The following CDK5RAP2 variants were observed in gnomAD, a reference collection of about 807,000 sequenced individuals.
CDK5RAP2 encodes CDK5 regulatory subunit associated protein 2, also known as CDK5 regulatory subunit-associated protein 2.
In CDK5RAP2, 147 loss-of-function variants were observed where a neutral mutation model predicts 232.9. The ratio of observed to expected loss-of-function variants is 0.63; its 90% CI spans 0.55 to 0.72. The LOEUF (loss-of-function observed/expected upper bound fraction) is 0.72, where lower values mean the gene tolerates loss of function less well. Among genes scored for constraint, CDK5RAP2 ranks in the 30% least tolerant of loss-of-function variants. The pLI, the probability that CDK5RAP2 is intolerant of heterozygous loss-of-function variation, is 0.00. For synonymous variants in CDK5RAP2, 833 were observed against 833.7 expected (o/e 1.00, Z 0.01); for missense variants, 2,195 against 2,231.5 (o/e 0.98, Z 0.33).
chr9:120,414,172 G>A (rs1157209740), intron 28 of CDK5RAP2, among the ~76,000 whole-genome samples: 4 of 152,186 alleles, frequency 2.6e-5, no homozygotes, highest in South Asian at 2.1e-4. Flanking sequence ...ACTGAGCAAG[G>A]CCCTACTCAT....
At chr9:120,518,120 T>G (rs532968987) in intron 12 of CDK5RAP2, among the ~76,000 whole-genome samples, 3 of 145,590 alleles carry the variant, frequency 2.1e-5, no homozygotes, top group Non-Finnish European at 4.5e-5. Flanking sequence ...ACATTAAACT[T>G]AAAAAAGCAC....
chr9:120,569,617 A>G (rs537278488), intron 2 of CDK5RAP2, among the ~76,000 whole-genome samples: 99 of 152,298 alleles, frequency 6.5e-4, no homozygotes, highest in African/African-American at 1.8e-3. Flanking sequence ...GGAGCTCAAT[A>G]AACAAAGGGG....
At chr9:120,567,864 T>G (rs1004309580) in intron 3 of CDK5RAP2, among the ~76,000 whole-genome samples, 2 of 152,138 alleles carry the variant, frequency 1.3e-5, no homozygotes, top group African/African-American at 4.8e-5. Flanking sequence ...TAAACAACTC[T>G]CTCCTAGTCT....
chr9:120,398,691 T>G (rs1040589055), intron 35 of CDK5RAP2, among the ~76,000 whole-genome samples: 5 of 152,242 alleles, frequency 3.3e-5, no homozygotes, highest in African/African-American at 1.2e-4. Context: ...TCCATTACTA[T>G]ATGTAGCCTG....
chr9:120,402,050 AGGAGGCCAAGGTGG>A (rs2033070129), intron 34 of CDK5RAP2, among the ~76,000 whole-genome samples: 1 of 152,074 alleles, frequency 6.6e-6, no homozygotes, highest in African/African-American at 2.4e-5. Flanking sequence ...CCAACACTTT[AGGAGGCCAAGGTGG>A]GAGGATCATT....
chr9:120,496,643 A>G (rs1309897428), intron 12 of CDK5RAP2, among the ~76,000 whole-genome samples: 93 of 123,826 alleles, frequency 7.5e-4, no homozygotes, highest in Middle Eastern at 0.013. Context: ...CTGGGAAGTG[A>G]GGAGCCCCTC....
At chr9:120,415,275 A>G (rs1420915726) in intron 27 of CDK5RAP2, 116 bp from the exon 28 acceptor site, 1 of 1,194,814 alleles carries the variant, frequency 8.4e-7, no homozygotes, top group East Asian at 2.5e-5. Flanking sequence ...TAAGATGGTT[A>G]GCAACTGGCA....
intron 20 of CDK5RAP2, among the ~76,000 whole-genome samples, chr9:120,455,621 T>C (rs1245351362): frequency 1.3e-5 from 2 of 151,998 alleles, no homozygotes; most frequent in South Asian, 2.1e-4. Flanking sequence ...CATGTGACTG[T>C]AGTCCCAGCT....
At chr9:120,483,117 A>T in intron 14 of CDK5RAP2, among the ~76,000 whole-genome samples, 1 of 152,088 alleles carries the variant, frequency 6.6e-6, no homozygotes, top group Admixed American at 6.5e-5. Context: ...AGCAACCCAG[A>T]CAGGAGGCCT....
intron 16 of CDK5RAP2, among the ~76,000 whole-genome samples, chr9:120,471,519 G>A (rs2037701997): frequency 6.6e-6 from 1 of 152,170 alleles, no homozygotes; most frequent in Non-Finnish European, 1.5e-5. Context: ...GAAAACAGTA[G>A]AGGCAGCAAG....
rs2033163231 is a variant in CDK5RAP2 at position 120,403,005 on chromosome 9, G to T, written c.5108C>A (p.Ala1703Glu). Residue 1703 changes from alanine (A) to glutamate (E), a missense_variant, in exon 34 of 38, where the codon GCA becomes GAA. Ala to Glu is a moderately radical substitution (Grantham distance 107). Transcript: ENST00000349780. This position sits in a 1 kb window ranked among gnomAD's most constrained non-coding sequence, Gnocchi z 4.2. ...DSLSCDSGSS[A>E]TSTPCVSRLV... is the part of the protein sequence containing the mutation. Reference sequence around the variant, plus strand: ...GCGGGACACACACGGAGTGCTAGTTGCCGAACTGCCACTGTCGCAGGAGAG... The same window carrying T: ...GCGGGACACACACGGAGTGCTAGTTTCCGAACTGCCACTGTCGCAGGAGAG... The T allele has an allele frequency of 1.2e-6, 2 of 1,614,150 alleles. No homozygotes were observed. Among genetic ancestry groups the T allele is most frequent in the East Asian group, 4.5e-5 (2 of 44,878 alleles).
chr9:120,555,374 G>C (rs974869697), intron 3 of CDK5RAP2, among the ~76,000 whole-genome samples: 13 of 152,048 alleles, frequency 8.5e-5, no homozygotes, highest in African/African-American at 3.1e-4. Context: ...CTGACCTCAA[G>C]TGATCCGCCC....
At chr9:120,497,591 T>C (rs2039370837) in intron 12 of CDK5RAP2, among the ~76,000 whole-genome samples, 2 of 152,102 alleles carry the variant, frequency 1.3e-5, no homozygotes, top group African/African-American at 4.8e-5. Flanking sequence ...CCCAGAAGAT[T>C]CCACTTTAAC....
chr9:120,401,923 G>A (rs1053027407), intron 34 of CDK5RAP2, among the ~76,000 whole-genome samples: 2 of 152,002 alleles, frequency 1.3e-5, no homozygotes, highest in Non-Finnish European at 2.9e-5. Context: ...GGAGGAGGCT[G>A]CAGTGAGCCA....
intron 11 of CDK5RAP2, among the ~76,000 whole-genome samples, chr9:120,519,181 A>G (rs1249024568): frequency 2.6e-5 from 4 of 151,674 alleles, no homozygotes; most frequent in Non-Finnish European, 5.9e-5. Flanking sequence ...CTCAAAAAAA[A>G]AAAAAGAAAA....
chr9:120,554,777 GCA>G (rs2042164922), intron 3 of CDK5RAP2, among the ~76,000 whole-genome samples: 1 of 152,044 alleles, frequency 6.6e-6, no homozygotes, highest in South Asian at 2.1e-4. Context: ...GGGACTACAG[GCA>G]TGTGCCACCA....
intron 12 of CDK5RAP2, 50 bp downstream of exon 12, chr9:120,518,377 T>G (rs763021076): frequency 1.4e-6 from 2 of 1,480,848 alleles, no homozygotes; most frequent in African/African-American, 2.8e-5. Flanking sequence ...CACAGCCACA[T>G]AGCCCCAAAA....
intron 11 of CDK5RAP2, among the ~76,000 whole-genome samples, chr9:120,522,604 C>T (rs1215586534): frequency 6.6e-6 from 1 of 152,172 alleles, no homozygotes; most frequent in East Asian, 1.9e-4. Context: ...ACTTTAATAG[C>T]TGGGAGGATG....
chr9:120,403,731 G>T lies in CDK5RAP2; in HGVS notation c.5041+305C>A. 2.2e-6 allele frequency: 1 copy of T among 446,350 alleles called. No homozygotes were observed. Among genetic ancestry groups the T allele is most frequent in the Non-Finnish European group, 4.2e-6 (1 of 240,958 alleles). The allele number at this position is 446,350 out of a possible 1,614,324, so 27.6% of individuals were successfully genotyped here. On this transcript the variant is annotated intron_variant, in intron 33 of 37. Transcript: ENST00000349780. The surrounding 1 kb of genome is among the most constrained non-coding windows in gnomAD (Gnocchi z 4.2). ...CCCCTGTGTGGCTACACCAGGTTAA[G>T]GGATAAGGCTGGACGGACCCACTGG...
Sources: allele counts gnomAD v4.1 joint callset (sites outside exome capture counted in the v4.1 genomes callset), GRCh38; gene constraint gnomAD v4.1.1; non-coding constraint Gnocchi (gnomAD v3.1); transcripts MANE v1.5; gene names NCBI Gene and HGNC (gene_info 2026-07-23, HGNC 2026-07-21).